The following BSND variants were observed in gnomAD, a reference collection of about 807,000 sequenced individuals.
The protein encoded by BSND is barttin CLCNK type accessory subunit beta, also known as barttin.
In BSND, 13 loss-of-function variants were observed where a neutral mutation model predicts 18.8. The ratio of observed to expected loss-of-function variants is 0.69; its 90% confidence interval spans 0.45 to 1.10. The LOEUF is 1.10. BSND is among the 50% of genes least tolerant of loss of function. BSND has a pLI of 0.00. For missense variants in BSND, 379 were observed against 416.7 expected (o/e 0.91, Z 0.79); for synonymous variants, 170 against 161.8 (o/e 1.05, Z -0.39).
intron 3 of BSND, 29 bp from the exon 4 acceptor site, chr1:55,008,185 C>A (rs2100209428): frequency 3.8e-6 from 6 of 1,599,878 alleles, no homozygotes; most frequent in East Asian, 2.2e-5. Context: ...TCAGAGATAC[C>A]CTTGCCCTTG....
In BSND at chr1:55,008,334, C is replaced by T; in HGVS notation, c.669C>T (p.Ser223=). The stretch of plus-strand genomic sequence containing the variant: ...CACATGACAGGGAGGAAGCTTGTTC[C>T]CCACAACAGGAACCTCAGGGCTGCA... ...ASPHDREEAC[S]PQQEPQGCRC... Residue 223 remains serine (S), a synonymous_variant, in exon 4 of 4, where the codon TCC becomes TCT. Coordinates refer to ENST00000651561, the MANE Select transcript of BSND (RefSeq NM_057176.3). 6.2e-7 allele frequency: 1 copy of T among 1,614,202 alleles called. No individual in the cohort carries two copies. Among genetic ancestry groups the T allele is most frequent in the Non-Finnish European group, 8.5e-7 (1 of 1,180,034 alleles).
intron 3 of BSND, 130 bp downstream of exon 3, chr1:55,007,402 C>A: frequency 8.0e-7 from 1 of 1,253,804 alleles, no homozygotes; most frequent in Non-Finnish European, 1.1e-6. Flanking sequence ...GTGTGGGACA[C>A]CCTGAGATGT....
chr1:55,016,601 G>GTTGTTGTTGTTGT lies in BSND; in HGVS notation c.*7978_*7979insGTTGTTGTTTGTT, dbSNP rs1553133394. 6.6e-6 allele frequency among the ~76,000 whole-genome samples: 1 copy of GTTGTTGTTGTTGT among 151,296 alleles called. No homozygotes were observed. Among genetic ancestry groups the GTTGTTGTTGTTGT allele is most frequent in the Non-Finnish European group, 1.5e-5 (1 of 67,826 alleles). ...TTATTCTAGTTTTGTTGTTGTTGTT[G>GTTGTTGTTGTTGT]TTGTTTGTTTGTTGTTTTGAGACAA... is the stretch of plus-strand genomic sequence containing the variant. On this transcript the variant is annotated 3_prime_UTR_variant, in exon 4 of 4. Coordinates refer to ENST00000651561, the MANE Select transcript of BSND (RefSeq NM_057176.3).
At position 55,013,524 on chromosome 1, in the gene BSND, C is replaced by A. The variant is rs368945510; in HGVS notation, c.*4896C>A. On this transcript the variant is annotated 3_prime_UTR_variant, in exon 4 of 4. Transcript: ENST00000651561. The stretch of plus-strand genomic sequence containing the variant: ...AAGCTGAATAATTTGCCCATCCTTG[C>A]GGAGAAGAGCTAAATGGAGGAGAGG... Among the ~76,000 whole-genome samples, 1 of 152,128 alleles carries A rather than the reference C, an allele frequency of 6.6e-6. No homozygotes were observed. Among genetic ancestry groups the A allele is most frequent in the Non-Finnish European group, 1.5e-5 (1 of 68,026 alleles).
Position 54,999,116 on chromosome 1 carries a change from T to C in BSND, c.-71T>C. On this transcript the variant is annotated 5_prime_UTR_variant, in exon 1 of 4. Transcript: ENST00000651561. ...TCTTCTCTCCCTGTGTAAGCCTGTC[T>C]CGGTGTTTAGGCTGAACTACAGCCA... 3 of 1,583,112 alleles carry C rather than the reference T, an allele frequency of 1.9e-6. No individual in the cohort carries two copies. Among genetic ancestry groups the C allele is most frequent in the Non-Finnish European group, 2.6e-6 (3 of 1,158,788 alleles).
At chr1:55,006,117 T>C (rs564560951) in intron 2 of BSND, among the ~76,000 whole-genome samples, 3 of 152,188 alleles carry the variant, frequency 2.0e-5, no homozygotes, top group Non-Finnish European at 4.4e-5. Flanking sequence ...TCTGCTTTGC[T>C]TGGGGAAGGG....
rs1158791977 is a variant in BSND at position 55,010,517 on chromosome 1, C to G, written c.*1889C>G. ...CCACCTGGGAGTCAGAGACCTTCAC[C>G]TGGGCTATGGGGTTCTGGGTTGAGG... On this transcript the variant is annotated 3_prime_UTR_variant, in exon 4 of 4. Transcript: ENST00000651561. 2 of 152,290 alleles carry G rather than the reference C, an allele frequency of 1.3e-5. No homozygotes were observed. The highest frequency in any genetic ancestry group is 1.9e-4 in the East Asian group (1 of 5,194). The allele number at this position is 152,290 out of a possible 1,614,324, so 9.4% of individuals were successfully genotyped here.
chr1:55,007,231 C>T lies in BSND; in HGVS notation c.507C>T (p.Asp169=), dbSNP rs749127391. The change falls in exon 3 of 4, where the codon GAC becomes GAT. Residue 169 remains aspartate (D), a synonymous_variant. Coordinates refer to ENST00000651561, the MANE Select transcript of BSND (RefSeq NM_057176.3). The part of the protein sequence containing the change: ...EAAVVIHKGS[D]ESEGERRLTQ... ...CCGTGGTCATCCACAAGGGCTCAGA[C>T]GAGAGTGAAGGGGAAAGACGCCTAA... 2.2e-5 allele frequency: 35 copies of T among 1,612,332 alleles called. No homozygotes were observed. Among genetic ancestry groups the T allele is most frequent in the Admixed American group, 1.7e-4 (10 of 59,964 alleles).
rs1644347370 is a variant in BSND, at chr1:54,999,082, A to C, written c.-105A>C. The C allele has an allele frequency of 2.1e-6, 3 of 1,415,694 alleles. No individual in the cohort carries two copies. Among genetic ancestry groups the C allele is most frequent in the Non-Finnish European group, 2.9e-6 (3 of 1,017,630 alleles). The allele number at this position is 1,415,694 out of a possible 1,614,324, so 87.7% of individuals were successfully genotyped here. A position where few individuals can be genotyped will look rare whatever the true frequency, so the allele number is the denominator to read the frequency against. On this transcript the variant is annotated 5_prime_UTR_variant, in exon 1 of 4. Coordinates refer to ENST00000651561, the MANE Select transcript of BSND (RefSeq NM_057176.3). ...TCCCTTGAAGCCTTGAGTTGCAGCG[A>C]TTTCAGTGTCTTCTCTCCCTGTGTA...
chr1:55,007,335 TGGGGGACCGCCG>T, intron 3 of BSND, 63 bp downstream of exon 3: 1 of 276,074 alleles, frequency 3.6e-6, no homozygotes, highest in Non-Finnish European at 6.3e-6. Context: ...AGGAGAGGAG[TGGGGGACCGCCG>T]AGGGGTGGGT....
At position 54,999,222 on chromosome 1, in the gene BSND, T is replaced by C. The variant is rs779547279; in HGVS notation, c.36T>C (p.Ile12=). The change falls in exon 1 of 4, where the codon ATT becomes ATC. Residue 12 remains isoleucine (I), a synonymous_variant. Transcript: ENST00000651561. ...AGAAGACCTTCCGGATCGGCTTCAT[T>C]GTGCTGGGGCTTTTCCTGCTGGCCC... is the stretch of plus-strand genomic sequence containing the variant. ...ADEKTFRIGF[I]VLGLFLLALG... The C allele has an allele frequency of 6.2e-7, 1 of 1,614,116 alleles. No individual in the cohort carries two copies. Among genetic ancestry groups the C allele is most frequent in the Non-Finnish European group, 8.5e-7 (1 of 1,180,006 alleles).
Position 55,007,084 on chromosome 1 carries a change from A to G in BSND, c.360A>G (p.Lys120=), listed in dbSNP as rs373712074. Reference sequence around the variant, plus strand: ...CTGACTTCAGCCACATCCAGATGAAAGTCATGAGCTACAGTGAGGACCACC... The same window carrying G: ...CTGACTTCAGCCACATCCAGATGAAGGTCATGAGCTACAGTGAGGACCACC... ...SLPDFSHIQM[K]VMSYSEDHRS... is the part of the protein sequence containing the mutation. The change falls in exon 3 of 4, where the codon AAA becomes AAG. Residue 120 remains lysine (K), a synonymous_variant. Transcript: ENST00000651561. The G allele has an allele frequency of 3.2e-5, 51 of 1,614,160 alleles. No homozygotes were observed. Among genetic ancestry groups the G allele is most frequent in the Non-Finnish European group, 4.2e-5 (50 of 1,180,034 alleles).
At chr1:55,008,190 C>A (rs747914501) in intron 3 of BSND, 24 bp from the exon 4 acceptor site, 2 of 1,604,510 alleles carry the variant, frequency 1.2e-6, no homozygotes, top group South Asian at 2.2e-5. Context: ...GATACCCTTG[C>A]CCTTGTGGTC....
chr1:55,008,704 T>A lies in BSND; in HGVS notation c.*76T>A. ...TGACATCACAGGGCCTCAGTTTCCC[T>A]ATCTGCAAAATGGGATGATATGGAG... On this transcript the variant is annotated 3_prime_UTR_variant, in exon 4 of 4. Coordinates refer to ENST00000651561, the MANE Select transcript of BSND (RefSeq NM_057176.3). The A allele has an allele frequency of 1.2e-6, 2 of 1,604,766 alleles. No individual in the cohort carries two copies. Among genetic ancestry groups the A allele is most frequent in the Non-Finnish European group, 1.7e-6 (2 of 1,173,032 alleles).
In BSND at chr1:55,012,680, C is replaced by T. The variant is rs114076634; in HGVS notation, c.*4052C>T. Among the ~76,000 whole-genome samples the T allele has an allele frequency of 4.8e-3, 735 of 152,266 alleles. 4 individuals are homozygous for T. Among genetic ancestry groups the T allele is most frequent in the African/African-American group, 0.016 (649 of 41,540 alleles). On this transcript the variant is annotated 3_prime_UTR_variant, in exon 4 of 4. Transcript: ENST00000651561. ...TAAAACAATAGGTGAGTGCATTCAC[C>T]AGGAGGAAGATGCATGTAAAAGCTT...
In BSND at chr1:55,015,443, C is replaced by T. The variant is rs2149037; in HGVS notation, c.*6815C>T. ...GACCCAGGACAAGGGCAAATGAGGG[C>T]CCCAGTGACTCAGGAAGTCCCCAGG... On this transcript the variant is annotated 3_prime_UTR_variant, in exon 4 of 4. Transcript: ENST00000651561. Among the ~76,000 whole-genome samples, 1 of 151,880 alleles carries T rather than the reference C, an allele frequency of 6.6e-6. No individual in the cohort carries two copies. The highest frequency in any genetic ancestry group is 1.5e-5 in the Non-Finnish European group (1 of 67,948).
chr1:55,005,221 C>T, intron 2 of BSND, 105 bp downstream of exon 2: 1 of 957,196 alleles, frequency 1.0e-6, no homozygotes, highest in Non-Finnish European at 1.6e-6. Context: ...TGCCTTCTCA[C>T]TTACTGAGAA....
At position 55,008,639 on chromosome 1, in the gene BSND, C is replaced by T; in HGVS notation, c.*11C>T. 1.9e-6 allele frequency: 3 copies of T among 1,614,038 alleles called. No homozygotes were observed. The highest frequency in any genetic ancestry group is 2.5e-6 in the Non-Finnish European group (3 of 1,180,024). ...GACACCCAAGGCTGAGATGTTTGTG[C>T]TCCGTAGCTTCTAGTCTGGAACTGC... On this transcript the variant is annotated 3_prime_UTR_variant, in exon 4 of 4. Transcript: ENST00000651561.
Position 55,008,605 on chromosome 1 carries a change from T to G in BSND, c.940T>G (p.Phe314Val). The stretch of plus-strand genomic sequence containing the variant: ...CCTCCTCCCGGACAAGGAGCTGGGT[T>G]TTGAGCCTGACACCCAAGGCTGAGA... ...GDLLPDKELG[F>V]EPDTQG The change falls in exon 4 of 4, where the codon TTT (phenylalanine) becomes GTT (valine). Residue 314 changes from phenylalanine to valine, a missense_variant. By Grantham distance (50) the Phe-to-Val change is conservative. Coordinates refer to ENST00000651561, the MANE Select transcript of BSND (RefSeq NM_057176.3). 6.2e-7 allele frequency: 1 copy of G among 1,614,142 alleles called. No individual in the cohort carries two copies. The highest frequency in any genetic ancestry group is 2.2e-5 in the East Asian group (1 of 44,870).
Sources: gnomAD v4.1 joint callset for allele counts (sites outside exome capture counted in the v4.1 genomes callset) on GRCh38, gnomAD v4.1.1 for gene constraint, MANE v1.5 for transcripts, NCBI Gene and HGNC (gene_info 2026-07-23, HGNC 2026-07-21) for gene names.